Variants in MEAF6 observed in about 807,000 individuals in gnomAD.
The protein encoded by MEAF6 is chromatin modification-related protein MEAF6.
In MEAF6, 15 loss-of-function variants were observed where a neutral mutation model predicts 28.9. The ratio of observed to expected loss-of-function variants is 0.52; its 90% CI spans 0.35 to 0.80. The LOEUF (loss-of-function observed/expected upper bound fraction) is 0.80, where lower values mean the gene tolerates loss of function less well. Ranked by LOEUF, MEAF6 falls within the 30% of genes least tolerant of loss-of-function variation. MEAF6 has a pLI of 0.01. For synonymous variants in MEAF6, 97 were observed against 88.7 expected (o/e 1.09, Z -0.53); for missense variants, 178 against 237.5 (o/e 0.75, Z 1.65).
rs188810150 is a variant in MEAF6 at position 37,509,618 on chromosome 1, G to T, written c.207-76C>A. Reference sequence around the variant, plus strand: ...AAGCTGGGGATGCCCCAGGACTCATGTTCCATGCAGGAAGCTTCCATGTCA... The same window carrying T: ...AAGCTGGGGATGCCCCAGGACTCATTTTCCATGCAGGAAGCTTCCATGTCA... On this transcript the variant is annotated intron_variant, in intron 2 of 6. Coordinates refer to ENST00000296214, the MANE Select transcript of MEAF6 (RefSeq NM_001270875.3). 1.3e-5 allele frequency: 16 copies of T among 1,274,150 alleles called. No homozygotes were observed. The East Asian group carries it at 3.5e-4, about 28-fold the overall frequency. The allele number at this position is 1,274,150 out of a possible 1,614,324, so 78.9% of individuals were successfully genotyped here. A position where few individuals can be genotyped will look rare whatever the true frequency, so the allele number is the denominator to read the frequency against.
chr1:37,495,706 A>AAAAAAAAAAAAAAAAAAAAAAAAC (rs1557603926), intron 6 of MEAF6, among the ~76,000 whole-genome samples, 179 bp downstream of exon 6: 1 of 121,288 alleles, frequency 8.2e-6, no homozygotes, highest in Non-Finnish European at 1.8e-5. Context: ...ACAAAAAACA[A>AAAAAAAAAAAAAAAAAAAAAAAAC]AAAAAAAAAA....
intron 5 of MEAF6, among the ~76,000 whole-genome samples, chr1:37,498,154 C>T (rs1013259883): frequency 2.6e-5 from 4 of 152,162 alleles, no homozygotes; most frequent in African/African-American, 9.7e-5. Context: ...ACATTTCCTC[C>T]TAGACAATGT....
In MEAF6 at chr1:37,500,227, C is replaced by A. The variant is rs370595828; in HGVS notation, c.533+1577G>T. Among the ~76,000 whole-genome samples the A allele has an allele frequency of 4.0e-4, 61 of 152,128 alleles. No homozygotes were observed. The Middle Eastern group carries it at 0.014, about 34-fold the overall frequency. On this transcript the variant is annotated intron_variant, in intron 5 of 6. Coordinates refer to ENST00000296214, the MANE Select transcript of MEAF6 (RefSeq NM_001270875.3). ...AGGAGAATCGTTTGAACCCAGGAAG[C>A]AGAGGCTGCAGGGGCTGAGATCGTG... is the stretch of plus-strand genomic sequence containing the variant.
At position 37,491,466 on chromosome 1, in the gene MEAF6, A is replaced by G. The variant is rs1419720497; in HGVS notation, c.*2633T>C. 6.6e-6 allele frequency among the ~76,000 whole-genome samples: 1 copy of G among 152,162 alleles called. No individual in the cohort carries two copies. The highest frequency in any genetic ancestry group is 6.5e-5 in the Admixed American group (1 of 15,282). On this transcript the variant is annotated 3_prime_UTR_variant, in exon 7 of 7. Coordinates refer to ENST00000296214, the MANE Select transcript of MEAF6 (RefSeq NM_001270875.3). ...CACTTTGGGAGGCCAAGGCAGAAGG[A>G]CTGCTTGAGGCCAGGAGGACTGCTT...
intron 3 of MEAF6, 27 bp downstream of exon 3, chr1:37,509,428 A>G (rs768278426): frequency 2.5e-6 from 4 of 1,612,050 alleles, no homozygotes; most frequent in South Asian, 2.2e-5. Context: ...CAGGCCAAAG[A>G]AAGATTCCCC....
Position 37,499,513 on chromosome 1 carries a change from G to A in MEAF6, c.533+2291C>T, listed in dbSNP as rs181218589. Among the ~76,000 whole-genome samples the A allele has an allele frequency of 9.2e-5, 14 of 152,248 alleles. No homozygotes were observed. The East Asian group carries it at 2.3e-3, about 25-fold the overall frequency. On this transcript the variant is annotated intron_variant, in intron 5 of 6. Transcript: ENST00000296214. ...GTCCAAGAGCCTTAACTGACCGCTC[G>A]TGTGCCATTCAGGCACACTGAATTT...
At chr1:37,513,814 C>A (rs1642744173) in intron 1 of MEAF6, 1 of 525,130 alleles carries the variant, frequency 1.9e-6, no homozygotes, top group East Asian at 2.9e-5. Context: ...TCACGGAAAC[C>A]ATGAGTCAAG....
chr1:37,512,630 C>G (rs1255474548), intron 2 of MEAF6, among the ~76,000 whole-genome samples: 2 of 152,210 alleles, frequency 1.3e-5, no homozygotes, highest in Non-Finnish European at 2.9e-5. Flanking sequence ...TGGCTCACCC[C>G]TTTAATTCCA....
intron 4 of MEAF6, among the ~76,000 whole-genome samples, chr1:37,508,530 C>T (rs1642562397): frequency 2.0e-5 from 3 of 151,952 alleles, no homozygotes; most frequent in African/African-American, 7.3e-5. Context: ...AGCAATCCTC[C>T]CACCTCTCCA....
intron 6 of MEAF6, among the ~76,000 whole-genome samples, 178 bp downstream of exon 6, chr1:37,495,707 A>AAAAAAAAAAAAAAAAAAAACAAC (rs1642107037): frequency 1.0e-5 from 1 of 98,506 alleles, no homozygotes; most frequent in Non-Finnish European, 2.3e-5. Context: ...CAAAAAACAA[A>AAAAAAAAAAAAAAAAAAAACAAC]AAAAAAAAAA....
rs779691022 is a variant in MEAF6, at chr1:37,495,876, G to A, written c.567+9C>T. 1 of 1,613,900 alleles carries A rather than the reference G, an allele frequency of 6.2e-7. No individual in the cohort carries two copies. Among genetic ancestry groups the A allele is most frequent in the Admixed American group, 1.7e-5 (1 of 60,018 alleles). ...CCAGCCTCTCTGAAGTGGTCCGGCT[G>A]ATACTTACAGCTCGTGGTTTTTTGT... On this transcript the variant is annotated intron_variant, in intron 6 of 6. Transcript: ENST00000296214.
chr1:37,490,987 A>C lies in MEAF6; in HGVS notation c.*3112T>G, dbSNP rs1161857402. ...GGTAGCAGTGAGCCAAGATTGTGCC[A>C]CTGCACTCCAGCCTGGACGACAGAG... On this transcript the variant is annotated 3_prime_UTR_variant, in exon 7 of 7. Transcript: ENST00000296214. Among the ~76,000 whole-genome samples, 2 of 152,138 alleles carry C rather than the reference A, an allele frequency of 1.3e-5. No homozygotes were observed. Among genetic ancestry groups the C allele is most frequent in the Non-Finnish European group, 2.9e-5 (2 of 68,024 alleles).
chr1:37,500,226 G>A (rs971798664), intron 5 of MEAF6, among the ~76,000 whole-genome samples: 22 of 152,040 alleles, frequency 1.4e-4, no homozygotes, highest in Admixed American at 1.4e-3. Flanking sequence ...AACCCAGGAA[G>A]CAGAGGCTGC....
rs35527783 is a variant in MEAF6 at position 37,492,560 on chromosome 1, C to CAAAAAAAAAAAAAAAAAAAAAAA, written c.*1538_*1539insTTTTTTTTTTTTTTTTTTTTTTT. 1.4e-5 allele frequency: 1 copy of CAAAAAAAAAAAAAAAAAAAAAAA among 73,092 alleles called. No individual in the cohort carries two copies. 4.5% of individuals were successfully genotyped at this position (73,092 alleles called of 1,614,324 possible). Reference sequence around the variant, plus strand: ...AGTCAAAGATCTAAATAGCCAGAGTCAAAAAAAAAAAAAAAAAAAAACCCA... The same window carrying CAAAAAAAAAAAAAAAAAAAAAAA: ...AGTCAAAGATCTAAATAGCCAGAGTCAAAAAAAAAAAAAAAAAAAAAAAAAAAAAAAAAAAAAAAAAAAACCCA... On this transcript the variant is annotated 3_prime_UTR_variant, in exon 7 of 7. Coordinates refer to ENST00000296214, the MANE Select transcript of MEAF6 (RefSeq NM_001270875.3).
intron 6 of MEAF6, among the ~76,000 whole-genome samples, chr1:37,494,936 T>C (rs1027537347): frequency 6.6e-6 from 1 of 151,860 alleles, no homozygotes; most frequent in African/African-American, 2.4e-5. Flanking sequence ...GATTGAAACA[T>C]CAATTTTGCT....
chr1:37,491,303 G>A lies in MEAF6; in HGVS notation c.*2796C>T, dbSNP rs886585746. On this transcript the variant is annotated 3_prime_UTR_variant, in exon 7 of 7. Transcript: ENST00000296214. ...GTGGATTACCTGAGGTCAGGAGTTC[G>A]AGACCAGCCTGCCCATCATGGCAAA... 2.0e-5 allele frequency among the ~76,000 whole-genome samples: 3 copies of A among 152,042 alleles called. No homozygotes were observed. The highest frequency in any genetic ancestry group is 2.1e-4 in the South Asian group (1 of 4,814).
intron 6 of MEAF6, among the ~76,000 whole-genome samples, chr1:37,495,647 C>T (rs563288351): frequency 1.5e-4 from 20 of 129,192 alleles, no homozygotes; most frequent in African/African-American, 5.3e-4. Flanking sequence ...GATGATACTG[C>T]ACTCTAGCCT....
In MEAF6 at chr1:37,492,362, C is replaced by T. The variant is rs1466242633; in HGVS notation, c.*1737G>A. On this transcript the variant is annotated 3_prime_UTR_variant, in exon 7 of 7. Transcript: ENST00000296214. Reference sequence around the variant, plus strand: ...AAAATATTTTAAGGTCTGCTGTGTGCTTTCCCCAAAAGGAAGGAAACTGTA... The same window carrying T: ...AAAATATTTTAAGGTCTGCTGTGTGTTTTCCCCAAAAGGAAGGAAACTGTA... Among the ~76,000 whole-genome samples the T allele has an allele frequency of 2.6e-5, 4 of 151,990 alleles. No individual in the cohort carries two copies. Among genetic ancestry groups the T allele is most frequent in the African/African-American group, 7.2e-5 (3 of 41,396 alleles).
intron 2 of MEAF6, among the ~76,000 whole-genome samples, chr1:37,510,448 C>T (rs1642632503): frequency 7.5e-6 from 1 of 134,024 alleles, no homozygotes; most frequent in African/African-American, 2.8e-5. Flanking sequence ...GTGGTGCGAT[C>T]CAGGGTCACT....
Sources: gnomAD v4.1 joint callset for allele counts (sites outside exome capture counted in the v4.1 genomes callset) on GRCh38, gnomAD v4.1.1 for gene constraint, MANE v1.5 for transcripts, NCBI Gene and HGNC (gene_info 2026-07-23, HGNC 2026-07-21) for gene names.